MAP7: variants seen among roughly 807,000 people sequenced by gnomAD.
The protein encoded by MAP7 is microtubule associated protein 7, also known as ensconsin.
MAP7 carries 52 observed loss-of-function variants against 94.8 expected under a neutral mutation model. That is an observed-to-expected ratio of 0.55 (90% CI 0.44 to 0.69). MAP7 has a LOEUF of 0.69. Ranked by LOEUF, MAP7 falls within the 30% of genes least tolerant of loss-of-function variation. The pLI is 0.00. For missense variants in MAP7, 940 were observed against 964.6 expected (o/e 0.97, Z 0.34); for synonymous variants, 350 against 357.0 (o/e 0.98, Z 0.22).
At chr6:136,440,407 T>TC (rs1417232037) in intron 1 of MAP7, among the ~76,000 whole-genome samples, 1 of 151,680 alleles carries the variant, frequency 6.6e-6, no homozygotes, top group East Asian at 1.9e-4. Flanking sequence ...AGTGAGTAGG[T>TC]ATGTGGGTGG....
At chr6:136,399,623 G>A (rs1582796807) in intron 3 of MAP7, among the ~76,000 whole-genome samples, 2 of 152,100 alleles carry the variant, frequency 1.3e-5, no homozygotes, top group East Asian at 3.9e-4. Flanking sequence ...CAAAGTGCTG[G>A]GATTATAGGC....
intron 1 of MAP7, among the ~76,000 whole-genome samples, chr6:136,488,239 T>C (rs753178308): frequency 4.6e-5 from 7 of 152,226 alleles, no homozygotes; most frequent in Non-Finnish European, 1.0e-4. Context: ...GACACTATCT[T>C]GGCATTATTT....
intron 1 of MAP7, among the ~76,000 whole-genome samples, chr6:136,457,180 G>A (rs1803569711): frequency 6.6e-6 from 1 of 151,438 alleles, no homozygotes; most frequent in Admixed American, 6.6e-5. Context: ...ACAATTATAT[G>A]CTAACAAGCT....
chr6:136,454,347 C>T (rs374706932), intron 1 of MAP7, among the ~76,000 whole-genome samples: 4 of 151,370 alleles, frequency 2.6e-5, no homozygotes, highest in African/African-American at 9.7e-5. Flanking sequence ...TACGCTGTCT[C>T]CCAGGCTGCA....
intron 1 of MAP7, among the ~76,000 whole-genome samples, chr6:136,456,532 T>C (rs931730220): frequency 6.6e-6 from 1 of 151,464 alleles, no homozygotes; most frequent in Admixed American, 6.6e-5. Context: ...ATTAGGTAGG[T>C]GTGGTGGCAT....
chr6:136,490,952 C>G (rs1340796996), intron 1 of MAP7, among the ~76,000 whole-genome samples: 1 of 152,194 alleles, frequency 6.6e-6, no homozygotes, highest in Non-Finnish European at 1.5e-5. Context: ...ATAATCACTC[C>G]TCTTTCAGAT....
In MAP7 at chr6:136,372,590, C is replaced by A; in HGVS notation, c.787G>T (p.Ala263Ser). 6.2e-7 allele frequency: 1 copy of A among 1,614,142 alleles called. No homozygotes were observed. The highest frequency in any genetic ancestry group is 8.5e-7 in the Non-Finnish European group (1 of 1,180,016). Residue 263 changes from alanine to serine, a missense_variant, in exon 8 of 18, where the codon GCA becomes TCA. By Grantham distance (99) the Ala-to-Ser change is moderately conservative. Coordinates refer to ENST00000354570, the MANE Select transcript of MAP7 (RefSeq NM_003980.6). ...CSPIIMPYKA[A>S]HSRNSMDRPK... ...CGATCCATCGAATTTCTAGAGTGTG[C>A]AGCTTTGTAGGGCATGATGATGGGG...
chr6:136,405,351 A>C (rs1052794592), intron 3 of MAP7, among the ~76,000 whole-genome samples: 1 of 152,218 alleles, frequency 6.6e-6, no homozygotes, highest in African/African-American at 2.4e-5. Context: ...GGTTTGAGGG[A>C]GCTGAAAATT....
At chr6:136,425,296 G>C (rs1792820825) in intron 1 of MAP7, among the ~76,000 whole-genome samples, 1 of 152,204 alleles carries the variant, frequency 6.6e-6, no homozygotes, top group Non-Finnish European at 1.5e-5. Context: ...GGATAAGGAG[G>C]AACTACTGCA....
chr6:136,359,867 T>C lies in MAP7; in HGVS notation c.1865A>G (p.Asp622Gly), dbSNP rs757170020. 1.9e-6 allele frequency: 3 copies of C among 1,613,516 alleles called. No homozygotes were observed. Among genetic ancestry groups the C allele is most frequent in the East Asian group, 2.2e-5 (1 of 44,856 alleles). ...RTEATDKKTS[D>G]QRNGDIAKGA... Reference sequence around the variant, plus strand: ...CTTGGCTATATCACCGTTTCTCTGATCACTGGTTTTCTACGAAGAAGAAAA... The same window carrying C: ...CTTGGCTATATCACCGTTTCTCTGACCACTGGTTTTCTACGAAGAAGAAAA... Residue 622 changes from aspartate to glycine, a missense_variant, in exon 15 of 18, where the codon GAT (aspartate) becomes GGT (glycine). Asp to Gly is a moderately conservative substitution (Grantham distance 94, BLOSUM62 -1). Coordinates refer to ENST00000354570, the MANE Select transcript of MAP7 (RefSeq NM_003980.6).
chr6:136,523,374 T>A (rs1362245815), intron 1 of MAP7, among the ~76,000 whole-genome samples: 1 of 152,156 alleles, frequency 6.6e-6, no homozygotes, highest in African/African-American at 2.4e-5. Flanking sequence ...TCCAATAAGG[T>A]GGTCACATGT....
intron 1 of MAP7, among the ~76,000 whole-genome samples, chr6:136,426,090 T>C (rs776688641): frequency 6.6e-6 from 1 of 152,202 alleles, no homozygotes; most frequent in Admixed American, 6.5e-5. Context: ...TGGCCTGAAA[T>C]ACTATCTGTA....
chr6:136,454,546 C>T (rs372729811), intron 1 of MAP7, among the ~76,000 whole-genome samples: 7 of 152,018 alleles, frequency 4.6e-5, no homozygotes, highest in East Asian at 2.0e-4. Context: ...GACCCTCACG[C>T]CTTAGCCTCC....
chr6:136,512,409 G>A (rs188936578), intron 1 of MAP7, among the ~76,000 whole-genome samples: 390 of 152,290 alleles, frequency 2.6e-3, no homozygotes, highest in African/African-American at 8.9e-3. Context: ...AGACTATTAC[G>A]GATGTAAAAA....
At chr6:136,519,993 G>C (rs1232731967) in intron 1 of MAP7, among the ~76,000 whole-genome samples, 2 of 152,082 alleles carry the variant, frequency 1.3e-5, no homozygotes, top group East Asian at 3.9e-4. Flanking sequence ...GAGCCCAGGA[G>C]TTGGAGACCA....
chr6:136,439,001 T>C (rs1797116256), intron 1 of MAP7, among the ~76,000 whole-genome samples: 1 of 152,246 alleles, frequency 6.6e-6, no homozygotes, highest in South Asian at 2.1e-4. Context: ...TGCAACTGTT[T>C]TAAATCATAT....
At chr6:136,524,303 T>C (rs1827242204) in intron 1 of MAP7, among the ~76,000 whole-genome samples, 1 of 152,184 alleles carries the variant, frequency 6.6e-6, no homozygotes, top group East Asian at 1.9e-4. Flanking sequence ...CCTAAGTTAC[T>C]GTCCAAGACA....
Position 136,421,688 on chromosome 6 carries a change from C to T in MAP7, c.166+13G>A. The T allele has an allele frequency of 1.2e-6, 2 of 1,604,086 alleles. No homozygotes were observed. The highest frequency in any genetic ancestry group is 1.7e-6 in the Non-Finnish European group (2 of 1,170,994). On this transcript the variant is annotated intron_variant, in intron 2 of 17. Coordinates refer to ENST00000354570, the MANE Select transcript of MAP7 (RefSeq NM_003980.6). ...AACCTTTATTTTCCCACAGTTAATG[C>T]AATGCATCATACCTGGTTTATTTCC... is the stretch of plus-strand genomic sequence containing the variant.
chr6:136,493,091 A>G (rs1285933908), intron 1 of MAP7, among the ~76,000 whole-genome samples: 2 of 145,988 alleles, frequency 1.4e-5, no homozygotes, highest in Admixed American at 1.4e-4. Context: ...GTGTCTTCCC[A>G]GTTTTTTTTT....
Sources: allele counts gnomAD v4.1 joint callset (sites outside exome capture counted in the v4.1 genomes callset), GRCh38; gene constraint gnomAD v4.1.1; transcripts MANE v1.5; gene names NCBI Gene and HGNC (gene_info 2026-07-23, HGNC 2026-07-21).